CSMD2: variants seen among roughly 807,000 people sequenced by gnomAD.
The protein encoded by CSMD2 is CUB and Sushi multiple domains 2, also known as CUB and sushi domain-containing protein 2.
CSMD2 carries 130 observed loss-of-function variants against 398.5 expected under a neutral mutation model. The ratio of observed to expected loss-of-function variants is 0.33; its 90% CI spans 0.28 to 0.38. The LOEUF (loss-of-function observed/expected upper bound fraction) is 0.38, where lower values mean the gene tolerates loss of function less well. CSMD2 is among the 10% of genes least tolerant of loss of function. The probability of loss-of-function intolerance (pLI) is 1.00; values close to 1 mark genes in which losing one functional copy is unlikely to be tolerated. For synonymous variants in CSMD2, 1,828 were observed against 1,908.5 expected (o/e 0.96, Z 1.10); for missense variants, 3,829 against 4,764.9 (o/e 0.80, Z 5.78).
chr1:33,726,766 T>C (rs766695551), intron 15 of CSMD2, 81 bp from the exon 16 acceptor site: 297 of 1,423,384 alleles, frequency 2.1e-4, no homozygotes, highest in Non-Finnish European at 2.7e-4. Flanking sequence ...ATAAAATGTG[T>C]CAGGCAATAA....
At chr1:33,623,276 T>G in intron 36 of CSMD2, 94 bp downstream of exon 36, 1 of 875,124 alleles carries the variant, frequency 1.1e-6, no homozygotes, top group South Asian at 1.5e-5. Flanking sequence ...GGAATATAAG[T>G]GATATCTCAA....
chr1:34,013,825 A>C (rs1175247914), intron 3 of CSMD2, among the ~76,000 whole-genome samples: 4 of 150,482 alleles, frequency 2.7e-5, no homozygotes, highest in Admixed American at 2.0e-4. Flanking sequence ...CTTTCAATAC[A>C]ATCTACACGC....
intron 19 of CSMD2, 23 bp downstream of exon 19, chr1:33,724,174 C>T: frequency 6.4e-7 from 1 of 1,552,426 alleles, no homozygotes; most frequent in South Asian, 1.1e-5. Context: ...ATCCCAATGC[C>T]TGCTATGGGC....
chr1:33,657,823 C>T, intron 27 of CSMD2, 123 bp downstream of exon 27: 1 of 958,480 alleles, frequency 1.0e-6, no homozygotes. Context: ...GGGTTTTCTG[C>T]AACTTTTGTC....
chr1:33,524,766 C>A (rs35673825), intron 66 of CSMD2, 116 bp downstream of exon 66: 2 of 1,025,634 alleles, frequency 2.0e-6, no homozygotes, highest in South Asian at 3.4e-5. Context: ...CTTCCCTGAC[C>A]ACCAGACAAG....
chr1:33,653,619 A>G (rs569898786), intron 27 of CSMD2, among the ~76,000 whole-genome samples: 1 of 152,104 alleles, frequency 6.6e-6, no homozygotes, highest in Admixed American at 6.5e-5. Context: ...TGACACAGCA[A>G]CCTATTTACC....
intron 1 of CSMD2, among the ~76,000 whole-genome samples, chr1:34,091,538 C>A (rs537686275): frequency 9.2e-5 from 14 of 151,944 alleles, no homozygotes; most frequent in African/African-American, 3.4e-4. Context: ...TAAATTGACT[C>A]GACACTAATT....
chr1:33,753,541 G>A (rs1362095575), intron 13 of CSMD2, among the ~76,000 whole-genome samples: 2 of 152,226 alleles, frequency 1.3e-5, no homozygotes. Flanking sequence ...GGCAATGTGG[G>A]GTTGGAACCC....
intron 3 of CSMD2, among the ~76,000 whole-genome samples, chr1:33,948,514 G>A (rs192773608): frequency 7.9e-5 from 12 of 152,280 alleles, no homozygotes; most frequent in African/African-American, 2.6e-4. Context: ...GGCAAATTCA[G>A]GATGCGTCTG....
At chr1:33,821,796 G>C (rs975626928) in intron 7 of CSMD2, among the ~76,000 whole-genome samples, 3 of 152,194 alleles carry the variant, frequency 2.0e-5, no homozygotes, top group Admixed American at 6.5e-5. Context: ...AGTGGGGAGG[G>C]ATGAAGGATG....
intron 25 of CSMD2, among the ~76,000 whole-genome samples, chr1:33,664,154 C>A (rs2149004749): frequency 6.6e-6 from 1 of 152,262 alleles, no homozygotes; most frequent in African/African-American, 2.4e-5. Context: ...TACAGATGTA[C>A]TGAATTTTAA....
At chr1:34,006,690 T>C (rs573363175) in intron 3 of CSMD2, among the ~76,000 whole-genome samples, 8 of 152,136 alleles carry the variant, frequency 5.3e-5, no homozygotes, top group Admixed American at 1.3e-4. Flanking sequence ...ACTAGCACAA[T>C]GCAAGGTGGG....
chr1:33,633,302 G>C lies in CSMD2; in HGVS notation c.5200+120C>G, dbSNP rs1472067615. 1.4e-6 allele frequency: 1 copy of C among 731,064 alleles called. No individual in the cohort carries two copies. Among genetic ancestry groups the C allele is most frequent in the Non-Finnish European group, 2.4e-6 (1 of 424,362 alleles). The allele number at this position is 731,064 out of a possible 1,614,324, so 45.3% of individuals were successfully genotyped here. ...TGTAGACAAGCACCAGAACACGACA[G>C]GCACGCAGAGCCGTAGGGTTCCACC... On this transcript the variant is annotated intron_variant, in intron 32 of 70. Transcript: ENST00000373381. The surrounding 1 kb of genome is among the most constrained non-coding windows in gnomAD (Gnocchi z 5.0).
At chr1:34,059,888 C>G (rs914810931) in intron 2 of CSMD2, among the ~76,000 whole-genome samples, 2 of 152,172 alleles carry the variant, frequency 1.3e-5, no homozygotes, top group African/African-American at 4.8e-5. Context: ...GGACTCTTGC[C>G]TGGCTGGTCC....
intron 37 of CSMD2, among the ~76,000 whole-genome samples, chr1:33,618,114 C>T (rs530564279): frequency 3.3e-5 from 5 of 152,190 alleles, no homozygotes; most frequent in South Asian, 2.1e-4. Context: ...AGTTAGAGTC[C>T]GACTTTCCAA....
rs200867038 is a variant in CSMD2 at position 34,089,103 on chromosome 1, G to A, written c.278C>T (p.Thr93Met). Residue 93 changes from threonine (T) to methionine (M), a missense_variant, in exon 2 of 71, where the codon ACG becomes ATG. Coordinates refer to ENST00000373381, the MANE Select transcript of CSMD2 (RefSeq NM_001281956.2). ...CTGCTCTTCCGCGGTGATGGTCCACGTGCAGTTGGCGTAATTGGGGTAGCC... is the reference window on the plus strand; with the variant it reads ...CTGCTCTTCCGCGGTGATGGTCCACATGCAGTTGGCGTAATTGGGGTAGCC... ...PYGYPNYANC[T>M]WTITAEEQHR... 1.9e-5 allele frequency: 30 copies of A among 1,614,162 alleles called. No individual in the cohort carries two copies. In the East Asian group the frequency reaches 2.7e-4, roughly 14 times the overall value.
chr1:33,915,828 G>A lies in CSMD2; in HGVS notation c.920+2266C>T, dbSNP rs527906526. Reference sequence around the variant, plus strand: ...TACATAGCCCGGAAAACTCATCACAGATATCGCATGTCATAATAGCATGCT... The same window carrying A: ...TACATAGCCCGGAAAACTCATCACAAATATCGCATGTCATAATAGCATGCT... On this transcript the variant is annotated intron_variant, in intron 5 of 70. Coordinates refer to ENST00000373381, the MANE Select transcript of CSMD2 (RefSeq NM_001281956.2). 1.9e-3 allele frequency among the ~76,000 whole-genome samples: 293 copies of A among 152,320 alleles called. 1 individual carries two copies. The highest frequency in any genetic ancestry group is 6.8e-3 in the African/African-American group (283 of 41,568).
At chr1:34,150,803 C>T (rs1294036719) in intron 1 of CSMD2, among the ~76,000 whole-genome samples, 1 of 152,082 alleles carries the variant, frequency 6.6e-6, no homozygotes, top group South Asian at 2.1e-4. Context: ...GCCTATAGCC[C>T]CAGCTACTCA....
Position 34,079,961 on chromosome 1 carries a change from C to G in CSMD2, c.404+9016G>C, listed in dbSNP as rs574022564. Among the ~76,000 whole-genome samples the G allele has an allele frequency of 3.3e-5, 5 of 151,766 alleles. No homozygotes were observed. The South Asian group carries it at 1.0e-3, about 32-fold the overall frequency. On this transcript the variant is annotated intron_variant, in intron 2 of 70. Transcript: ENST00000373381. ...CCTGTTAAAGGATAGTGACTCTTAG[C>G]CAGGATTTTTTAAAAATTTAACTAC...
Sources: gnomAD v4.1 joint callset for allele counts (sites outside exome capture counted in the v4.1 genomes callset) on GRCh38, gnomAD v4.1.1 for gene constraint, Gnocchi (gnomAD v3.1) non-coding constraint, MANE v1.5 for transcripts, NCBI Gene and HGNC (gene_info 2026-07-23, HGNC 2026-07-21) for gene names.